AOPEP: variants seen among roughly 807,000 people sequenced by gnomAD.
AOPEP encodes the protein aminopeptidase O.
In AOPEP, 77 loss-of-function variants were observed where a neutral mutation model predicts 98.1. That is an observed-to-expected ratio of 0.78 (90% CI 0.65 to 0.95). The LOEUF (loss-of-function observed/expected upper bound fraction) is 0.95. AOPEP is among the 40% of genes least tolerant of loss of function. The pLI is 0.00. For synonymous variants in AOPEP, 346 were observed against 365.3 expected (o/e 0.95, Z 0.60); for missense variants, 1,024 against 1,024.7 (o/e 1.00, Z 0.01).
the AOPEP span, among the ~76,000 whole-genome samples, chr9:95,116,222 C>T: frequency 2.6e-5 from 4 of 152,238 alleles, no homozygotes; most frequent in Admixed American, 6.5e-5. Flanking sequence ...TGTTGGCTGA[C>T]TTTAGGCTTT....
intron 13 of AOPEP, among the ~76,000 whole-genome samples, chr9:95,041,056 A>AG (rs2065245854): frequency 6.6e-6 from 1 of 151,858 alleles, no homozygotes; most frequent in South Asian, 2.1e-4. Context: ...CTCCAAAAAA[A>AG]AAAAAAGCAA....
At chr9:94,874,975 A>G (rs1392053636) in intron 5 of AOPEP, among the ~76,000 whole-genome samples, 1 of 152,202 alleles carries the variant, frequency 6.6e-6, no homozygotes. Context: ...TAAGGGGCTC[A>G]AGGATGGATT....
the AOPEP span, among the ~76,000 whole-genome samples, chr9:95,148,155 A>C: frequency 6.6e-6 from 1 of 152,206 alleles, no homozygotes; most frequent in Non-Finnish European, 1.5e-5. Context: ...ATGTCTGATG[A>C]AGCAGTTTAA....
At chr9:94,900,446 C>G (rs929512853) in intron 5 of AOPEP, 2 of 152,180 alleles carry the variant, frequency 1.3e-5, no homozygotes, top group African/African-American at 4.8e-5. Flanking sequence ...ATTATTCAGC[C>G]CTTCGGGAGG....
chr9:95,140,138 G>T, the AOPEP span, among the ~76,000 whole-genome samples: 1 of 151,984 alleles, frequency 6.6e-6, no homozygotes, highest in Admixed American at 6.5e-5. Flanking sequence ...TAGGAAATGG[G>T]GTGGACATTT....
At chr9:94,871,651 T>C (rs1207682711) in intron 5 of AOPEP, among the ~76,000 whole-genome samples, 1 of 152,196 alleles carries the variant, frequency 6.6e-6, no homozygotes, top group Non-Finnish European at 1.5e-5. Flanking sequence ...TATCTGATAT[T>C]TATTGGTACT....
chr9:94,783,720 A>G (rs887056549), intron 3 of AOPEP, among the ~76,000 whole-genome samples: 4 of 152,094 alleles, frequency 2.6e-5, no homozygotes, highest in African/African-American at 9.7e-5. Context: ...TATGATATAT[A>G]CATTCTCTAT....
intron 4 of AOPEP, among the ~76,000 whole-genome samples, chr9:94,794,182 T>C (rs1846396651): frequency 6.6e-6 from 1 of 152,248 alleles, no homozygotes; most frequent in Non-Finnish European, 1.5e-5. Flanking sequence ...GGATATTTAC[T>C]GGCAGCCTGT....
intron 1 of AOPEP, among the ~76,000 whole-genome samples, chr9:94,741,342 G>A (rs907270344): frequency 2.0e-5 from 3 of 151,366 alleles, no homozygotes; most frequent in Non-Finnish European, 2.9e-5. Context: ...GTGCGATCTC[G>A]GCTCACTGCA....
rs147218322 is a variant in AOPEP at position 95,022,541 on chromosome 9, G to C, written c.2115+16925G>C. ...TTTTTAGTAGAGATGGGGTTTCACCGTGTTAGCCAGGATGGCCTCGATTTC... is the reference window on the plus strand; with the variant it reads ...TTTTTAGTAGAGATGGGGTTTCACCCTGTTAGCCAGGATGGCCTCGATTTC... On this transcript the variant is annotated intron_variant, in intron 13 of 16. Coordinates refer to ENST00000375315, the MANE Select transcript of AOPEP (RefSeq NM_001193329.3). Among the ~76,000 whole-genome samples, 790 of 152,100 alleles carry C rather than the reference G, an allele frequency of 5.2e-3. 15 individuals are homozygous for C. The highest frequency in any genetic ancestry group is 0.045 in the South Asian group (215 of 4,814).
chr9:95,014,272 G>A (rs1054192230), intron 13 of AOPEP, among the ~76,000 whole-genome samples: 1 of 151,932 alleles, frequency 6.6e-6, no homozygotes, highest in African/African-American at 2.4e-5. Flanking sequence ...TTCAAGACTA[G>A]CCTGGGCAAC....
At chr9:95,103,730 CG>C in the AOPEP span, among the ~76,000 whole-genome samples, 12 of 152,190 alleles carry the variant, frequency 7.9e-5, no homozygotes, top group Admixed American at 7.2e-4. Context: ...CCGGGACAGC[CG>C]GGGAGTGGGC....
At chr9:94,791,024 G>A (rs1370095687) in intron 3 of AOPEP, among the ~76,000 whole-genome samples, 2 of 152,134 alleles carry the variant, frequency 1.3e-5, no homozygotes, top group Non-Finnish European at 2.9e-5. Context: ...ATGGGAACAT[G>A]AGGAGTGGAG....
At chr9:95,015,862 A>G (rs909152775) in intron 13 of AOPEP, among the ~76,000 whole-genome samples, 1 of 151,978 alleles carries the variant, frequency 6.6e-6, no homozygotes, top group East Asian at 1.9e-4. Context: ...TCAGTATGAA[A>G]TTTTTTTTCT....
chr9:94,802,800 T>G (rs1200553712), intron 5 of AOPEP, among the ~76,000 whole-genome samples: 11 of 152,226 alleles, frequency 7.2e-5, no homozygotes, highest in Non-Finnish European at 1.5e-5. Context: ...CTAGATGTTT[T>G]TCTGGACTTA....
intron 14 of AOPEP, among the ~76,000 whole-genome samples, chr9:95,074,436 A>G (rs1328539039): frequency 3.9e-5 from 6 of 152,202 alleles, no homozygotes; most frequent in African/African-American, 1.4e-4. Flanking sequence ...GAGAAGCTGA[A>G]ATCTTTGCTG....
intron 3 of AOPEP, among the ~76,000 whole-genome samples, chr9:94,792,463 C>T (rs56278112): frequency 0.012 from 1,812 of 152,152 alleles, 21 homozygotes; most frequent in South Asian, 0.044. Flanking sequence ...TAGGAGCATA[C>T]AGCCTGTGGC....
At chr9:94,779,632 A>G (rs1842863980) in intron 3 of AOPEP, among the ~76,000 whole-genome samples, 1 of 151,994 alleles carries the variant, frequency 6.6e-6, no homozygotes, top group Non-Finnish European at 1.5e-5. Flanking sequence ...TAGCAAATCA[A>G]TAAAATTCAA....
intron 5 of AOPEP, among the ~76,000 whole-genome samples, chr9:94,847,226 A>G (rs543994553): frequency 2.0e-5 from 3 of 151,790 alleles, no homozygotes; most frequent in South Asian, 2.1e-4. Flanking sequence ...CCCTCCCACC[A>G]TGCCTGCAGT....
Sources: allele counts gnomAD v4.1 joint callset (sites outside exome capture counted in the v4.1 genomes callset), GRCh38; gene constraint gnomAD v4.1.1; transcripts MANE v1.5; gene names NCBI Gene and HGNC (gene_info 2026-07-23, HGNC 2026-07-21).